The following ITGB2 variants were observed in gnomAD, a reference collection of about 807,000 sequenced individuals.
ITGB2 encodes integrin beta-2.
A neutral mutation model predicts 86.8 loss-of-function variants in ITGB2; 56 were observed. The ratio of observed to expected loss-of-function variants is 0.65; its 90% confidence interval spans 0.52 to 0.81. The LOEUF (loss-of-function observed/expected upper bound fraction) is 0.81. ITGB2 is among the 30% of genes least tolerant of loss of function. The pLI is 0.00. For synonymous variants in ITGB2, 457 were observed against 450.4 expected (o/e 1.01, Z -0.19); for missense variants, 948 against 1,061.2 (o/e 0.89, Z 1.48).
rs1431780562 is a variant in ITGB2 at position 44,903,352 on chromosome 21, G to T, written c.499+13C>A. The T allele has an allele frequency of 1.2e-6, 2 of 1,613,982 alleles. No homozygotes were observed. The highest frequency in any genetic ancestry group is 1.7e-6 in the Non-Finnish European group (2 of 1,179,910). On this transcript the variant is annotated intron_variant, in intron 5 of 15. Coordinates refer to ENST00000652462, the MANE Select transcript of ITGB2 (RefSeq NM_000211.5). Reference sequence around the variant, plus strand: ...AAAGGACTGGGTTTTGTCCTGCAGTGCCTGGGCCTCACCAATGCGGCCGGA... The same window carrying T: ...AAAGGACTGGGTTTTGTCCTGCAGTTCCTGGGCCTCACCAATGCGGCCGGA...
chr21:44,907,027 GCC>G lies in ITGB2; in HGVS notation c.214_215del (p.Gly72LeufsTer4). The G allele has an allele frequency of 5.6e-6, 9 of 1,613,960 alleles. No homozygotes were observed. The highest frequency in any genetic ancestry group is 6.8e-6 in the Non-Finnish European group (8 of 1,179,862). On this transcript the variant is annotated frameshift_variant, in exon 4 of 16. Transcript: ENST00000652462. LOFTEE classifies it high-confidence loss of function. Reference sequence around the variant, plus strand: ...GGTCCATGATGTCGTCAGCCGCACAGCCCCTCATGAGCAGCTGTGGCCGGGTG... The same window carrying G: ...GGTCCATGATGTCGTCAGCCGCACAGCCTCATGAGCAGCTGTGGCCGGGTG... ...CDTRPQLLMR[G>X]CAADDIMDPT...
chr21:44,886,318 G>A lies in ITGB2; in HGVS notation c.*50C>T. 1 of 1,505,494 alleles carries A rather than the reference G, an allele frequency of 6.6e-7. No individual in the cohort carries two copies. Among genetic ancestry groups the A allele is most frequent in the Non-Finnish European group, 9.3e-7 (1 of 1,081,064 alleles). The allele number at this position is 1,505,494 out of a possible 1,614,324, so 93.3% of individuals were successfully genotyped here. ...GTGGCAAGCCATGTCTCGGCCGCGT[G>A]ATGGGGCAGACATGGTGGGTCCTGA... On this transcript the variant is annotated 3_prime_UTR_variant, in exon 16 of 16. Coordinates refer to ENST00000652462, the MANE Select transcript of ITGB2 (RefSeq NM_000211.5).
At chr21:44,905,953 C>T (rs1473979464) in intron 4 of ITGB2, among the ~76,000 whole-genome samples, 1 of 152,140 alleles carries the variant, frequency 6.6e-6, no homozygotes, top group Non-Finnish European at 1.5e-5. Context: ...CCAGCTGGTT[C>T]CTCTAAAGTC....
At chr21:44,909,050 G>A (rs934857216) in intron 3 of ITGB2, among the ~76,000 whole-genome samples, 5 of 152,216 alleles carry the variant, frequency 3.3e-5, no homozygotes, top group Non-Finnish European at 7.3e-5. Flanking sequence ...AGTGGCAGGC[G>A]GGGACCAGCA....
At chr21:44,902,770 TTG>T (rs1039627969) in intron 5 of ITGB2, among the ~76,000 whole-genome samples, 2 of 151,094 alleles carry the variant, frequency 1.3e-5, no homozygotes, top group African/African-American at 2.4e-5. Context: ...GAGCGTGCAT[TTG>T]TGTGTGAGCG....
At chr21:44,902,288 C>T (rs528022945) in intron 5 of ITGB2, among the ~76,000 whole-genome samples, 2 of 152,288 alleles carry the variant, frequency 1.3e-5, no homozygotes, top group African/African-American at 2.4e-5. Context: ...TGGTCTTGCA[C>T]GTGTGTATGA....
chr21:44,910,593 G>A (rs1474367415), intron 2 of ITGB2, 132 bp downstream of exon 2: 5 of 1,375,944 alleles, frequency 3.6e-6, no homozygotes, highest in South Asian at 1.2e-5. Flanking sequence ...CTGAGTCCCC[G>A]ACCTACCCCC....
intron 9 of ITGB2, chr21:44,893,953 G>A (rs1475016240): frequency 6.1e-6 from 2 of 325,806 alleles, no homozygotes; most frequent in African/African-American, 4.3e-5. Flanking sequence ...GAGAGAAACA[G>A]AGAGAGGCAG....
intron 1 of ITGB2, among the ~76,000 whole-genome samples, chr21:44,913,648 C>T (rs1601327152): frequency 6.6e-6 from 1 of 152,284 alleles, no homozygotes; most frequent in East Asian, 1.9e-4. Flanking sequence ...AAGGTCCGCT[C>T]CAGGAGGTAA....
Position 44,910,732 on chromosome 21 carries a change from G to A in ITGB2, c.51C>T (p.Leu17=), listed in dbSNP as rs768225440. 2.0e-5 allele frequency: 32 copies of A among 1,613,878 alleles called. No individual in the cohort carries two copies. The highest frequency in any genetic ancestry group is 1.5e-4 in the African/African-American group (11 of 74,934). The change falls in exon 2 of 16, where the codon CTC becomes CTT. Residue 17 remains leucine (L), a synonymous_variant. Transcript: ENST00000652462. ...PLLALVGLLS[L]GCVLSQECTK... ...GTGGAACACAGAACTCACCGCACCC[G>A]AGGGAGAGCAGCCCCACCAGGGCGA...
At chr21:44,907,527 G>A (rs1229617766) in intron 3 of ITGB2, among the ~76,000 whole-genome samples, 1 of 152,240 alleles carries the variant, frequency 6.6e-6, no homozygotes, top group East Asian at 1.9e-4. Flanking sequence ...CATGGGCAGG[G>A]TTCTGGGCCA....
At chr21:44,900,606 C>T in intron 6 of ITGB2, 131 bp from the exon 7 acceptor site, 1 of 1,099,774 alleles carries the variant, frequency 9.1e-7, no homozygotes, top group Non-Finnish European at 1.3e-6. Flanking sequence ...TCCCCTGGGT[C>T]TCAGGGACCC....
rs111929121 is a variant in ITGB2 at position 44,886,573 on chromosome 21, G to A, written c.2248-143C>T. ...GCAGCCCCCCCAGGGTCCCAGCACCGGCAGCCAAGCTCACCCACAGCGGCG... is the reference window on the plus strand; with the variant it reads ...GCAGCCCCCCCAGGGTCCCAGCACCAGCAGCCAAGCTCACCCACAGCGGCG... On this transcript the variant is annotated intron_variant, in intron 15 of 15. Transcript: ENST00000652462. 1.4e-4 allele frequency: 197 copies of A among 1,402,740 alleles called. No homozygotes were observed. The African/African-American group carries it at 2.2e-3, about 16-fold the overall frequency. The allele number at this position is 1,402,740 out of a possible 1,614,324, so 86.9% of individuals were successfully genotyped here.
chr21:44,911,271 T>G (rs572614608), intron 1 of ITGB2: 1 of 245,972 alleles, frequency 4.1e-6, no homozygotes, highest in Non-Finnish European at 8.2e-6. Flanking sequence ...AATATACACA[T>G]GCACACGTAC....
intron 8 of ITGB2, 36 bp downstream of exon 8, chr21:44,899,031 C>G: frequency 6.6e-7 from 1 of 1,521,032 alleles, no homozygotes; most frequent in Non-Finnish European, 9.1e-7. Context: ...AAACATGCCC[C>G]CACCCAATGG....
rs1468611946 is a variant in ITGB2, at chr21:44,886,759, T to G, written c.2224A>C (p.Lys742Gln). 6.2e-7 allele frequency: 1 copy of G among 1,613,824 alleles called. No homozygotes were observed. Among genetic ancestry groups the G allele is most frequent in the Admixed American group, 1.7e-5 (1 of 60,002 alleles). Reference protein sequence around the residue: ...LREYRRFEKEKLKSQWNNDNP... With the variant: ...LREYRRFEKEQLKSQWNNDNP... The stretch of plus-strand genomic sequence containing the variant: ...ACATTGTTCCACTGGGACTTGAGCT[T>G]CTCCTTCTCAAAGCGCCTGTACTCC... The change falls in exon 15 of 16, where the codon AAG (lysine) becomes CAG (glutamine). Residue 742 changes from lysine to glutamine, a missense_variant. Lys to Gln is a moderately conservative substitution (Grantham distance 53). Transcript: ENST00000652462.
intron 1 of ITGB2, among the ~76,000 whole-genome samples, chr21:44,918,559 C>T (rs2084245283): frequency 6.6e-6 from 1 of 152,234 alleles, no homozygotes; most frequent in Non-Finnish European, 1.5e-5. Context: ...AAATAGCCTG[C>T]TCACCCCATG....
intron 1 of ITGB2, among the ~76,000 whole-genome samples, chr21:44,918,307 A>G (rs1010259704): frequency 5.9e-5 from 9 of 152,246 alleles, no homozygotes; most frequent in African/African-American, 2.2e-4. Flanking sequence ...GGGCCCACAC[A>G]GGACCTGTTC....
intron 1 of ITGB2, among the ~76,000 whole-genome samples, chr21:44,919,691 C>T (rs1439525587): frequency 2.0e-5 from 3 of 152,208 alleles, no homozygotes; most frequent in South Asian, 4.1e-4. Context: ...CTGAGCTCTC[C>T]GGCCATCCCC....
Sources: gnomAD v4.1 joint callset for allele counts (sites outside exome capture counted in the v4.1 genomes callset) on GRCh38, gnomAD v4.1.1 for gene constraint, MANE v1.5 for transcripts, NCBI Gene and HGNC (gene_info 2026-07-23, HGNC 2026-07-21) for gene names.